The following CEP192 variants were observed in gnomAD, a reference collection of about 807,000 sequenced individuals.
The protein encoded by CEP192 is centrosomal protein 192.
In CEP192, 151 loss-of-function variants were observed where a neutral mutation model predicts 271.8. The ratio of observed to expected loss-of-function variants is 0.56; its 90% CI spans 0.49 to 0.64. CEP192 has a LOEUF of 0.64. Among genes scored for constraint, CEP192 ranks in the 30% least tolerant of loss-of-function variants. The pLI, the probability that CEP192 is intolerant of heterozygous loss-of-function variation, is 0.00. For missense variants in CEP192, 2,910 were observed against 3,020.5 expected, an observed-to-expected ratio of 0.96 and a Z score of 0.86; for synonymous variants, 995 against 1,076.5, an observed-to-expected ratio of 0.92 and a Z score of 1.48.
In CEP192 at chr18:13,124,865, G is replaced by A. The variant is rs1040225218; in HGVS notation, c.*95G>A. Reference sequence around the variant, plus strand: ...AATTATGCTTTTGTATATATATTTTGTATGATGGATATCTATAATTGTAGA... The same window carrying A: ...AATTATGCTTTTGTATATATATTTTATATGATGGATATCTATAATTGTAGA... On this transcript the variant is annotated 3_prime_UTR_variant, in exon 45 of 45. Transcript: ENST00000506447. The A allele has an allele frequency of 1.0e-5, 10 of 981,812 alleles. No individual in the cohort carries two copies. The highest frequency in any genetic ancestry group is 7.9e-5 in the Admixed American group (3 of 37,802). 60.8% of individuals were successfully genotyped at this position (981,812 alleles called of 1,614,324 possible). A position where few individuals can be genotyped will look rare whatever the true frequency, so the allele number is the denominator to read the frequency against.
chr18:13,100,281 A>C, intron 37 of CEP192, 24 bp from the exon 38 acceptor site: 1 of 1,542,694 alleles, frequency 6.5e-7, no homozygotes, highest in Non-Finnish European at 9.0e-7. Flanking sequence ...TTTGTAGCTT[A>C]TCCCTTTATT....
In CEP192 at chr18:13,106,834, A is replaced by T. The variant is rs117141357; in HGVS notation, c.7047+1755A>T. ...CAACCACACCCCACAAATTTTAGGG[A>T]TCATATTGTATGATTGACTACGTTG... On this transcript the variant is annotated intron_variant, in intron 40 of 44. Transcript: ENST00000506447. Among the ~76,000 whole-genome samples the T allele has an allele frequency of 7.9e-5, 12 of 152,350 alleles. No individual in the cohort carries two copies. In the East Asian group the frequency reaches 1.9e-3, roughly 24 times the overall value.
In CEP192 at chr18:13,092,553, C is replaced by T. The variant is rs767694718; in HGVS notation, c.6254+26C>T. 4 of 1,537,290 alleles carry T rather than the reference C, an allele frequency of 2.6e-6. No individual in the cohort carries two copies. The Admixed American group carries it at 5.9e-5, about 23-fold the overall frequency. ...GTAAAATAAATGAACAGAAATCTTT[C>T]ACCAGATTTCAGGATGATTCGATTC... On this transcript the variant is annotated intron_variant, in intron 34 of 44. Transcript: ENST00000506447.
chr18:13,091,591 A>AT (rs1464607398), intron 33 of CEP192, among the ~76,000 whole-genome samples: 2 of 152,198 alleles, frequency 1.3e-5, no homozygotes, highest in Non-Finnish European at 2.9e-5. Flanking sequence ...TGTGGCATGT[A>AT]TTTTTGTAGT....
At chr18:13,085,163 T>C (rs1222573332) in intron 30 of CEP192, among the ~76,000 whole-genome samples, 1 of 152,210 alleles carries the variant, frequency 6.6e-6, no homozygotes, top group African/African-American at 2.4e-5. Context: ...GATGAGCTTT[T>C]TTTCACGTTT....
intron 1 of CEP192, among the ~76,000 whole-genome samples, chr18:12,994,388 A>G (rs2145732926): frequency 6.6e-6 from 1 of 152,174 alleles, no homozygotes; most frequent in East Asian, 1.9e-4. Context: ...CTTTGGGGGT[A>G]TTACAAGAAT....
chr18:13,078,056 G>C (rs1375529493), intron 30 of CEP192, among the ~76,000 whole-genome samples: 2 of 152,116 alleles, frequency 1.3e-5, no homozygotes, highest in Admixed American at 1.3e-4. Flanking sequence ...ATCTACATTA[G>C]GTATTTCTCC....
At chr18:13,031,719 G>T (rs1300414765) in intron 11 of CEP192, among the ~76,000 whole-genome samples, 1 of 152,144 alleles carries the variant, frequency 6.6e-6, no homozygotes, top group African/African-American at 2.4e-5. Context: ...CAAGAATGCA[G>T]TACACAGTCA....
chr18:13,120,083 A>G (rs1037969015), intron 44 of CEP192, among the ~76,000 whole-genome samples: 1 of 152,198 alleles, frequency 6.6e-6, no homozygotes, highest in Non-Finnish European at 1.5e-5. Flanking sequence ...TTTTTTTTAA[A>G]GAATTGCATT....
At chr18:13,052,666 A>G (rs1299957691) in intron 17 of CEP192, among the ~76,000 whole-genome samples, 10 of 152,172 alleles carry the variant, frequency 6.6e-5, no homozygotes, top group Non-Finnish European at 1.5e-4. Context: ...ATGAATAGCT[A>G]ATTGCTAATA....
intron 25 of CEP192, 32 bp from the exon 26 acceptor site, chr18:13,069,057 C>A (rs112715845): frequency 6.2e-7 from 1 of 1,613,900 alleles, no homozygotes; most frequent in Non-Finnish European, 8.5e-7. Context: ...TGTGACAGTT[C>A]GTTGAAATGT....
chr18:13,024,203 T>C (rs1399385342), intron 9 of CEP192: 4 of 398,950 alleles, frequency 1.0e-5, no homozygotes, highest in Non-Finnish European at 2.0e-5. Flanking sequence ...GATGGTTATG[T>C]CTTCCTAGAG....
intron 28 of CEP192, 108 bp downstream of exon 28, chr18:13,071,320 C>T: frequency 1.1e-6 from 1 of 918,504 alleles, no homozygotes. Flanking sequence ...TCTTCAGGCT[C>T]AATTGTGCAG....
chr18:13,016,946 T>A (rs1273365285), intron 6 of CEP192, among the ~76,000 whole-genome samples: 1 of 152,244 alleles, frequency 6.6e-6, no homozygotes, highest in Non-Finnish European at 1.5e-5. Flanking sequence ...TGACTTTTGA[T>A]AACATGCCAG....
At position 13,068,832 on chromosome 18, in the gene CEP192, A is replaced by C. The variant is rs769557951; in HGVS notation, c.4823-20A>C. ...AATAACTCTCTGGTCTCCAAGCTAA[A>C]AGAATGAACTTTTTTTTAGATATTC... On this transcript the variant is annotated intron_variant, in intron 24 of 44. Coordinates refer to ENST00000506447, the MANE Select transcript of CEP192 (RefSeq NM_032142.4). The C allele has an allele frequency of 6.2e-7, 1 of 1,614,138 alleles. No individual in the cohort carries two copies. The highest frequency in any genetic ancestry group is 1.1e-5 in the South Asian group (1 of 91,088).
At chr18:13,044,949 G>A (rs913786888) in intron 15 of CEP192, among the ~76,000 whole-genome samples, 1 of 152,066 alleles carries the variant, frequency 6.6e-6, no homozygotes, top group South Asian at 2.1e-4. Flanking sequence ...AATAGTTGTA[G>A]TACTATTCTG....
In CEP192 at chr18:13,037,286, G is replaced by A. The variant is rs933222142; in HGVS notation, c.1584G>A (p.Glu528=). ...IAQDEEEFNK[E]HQFIQEENID... is the part of the protein sequence containing the mutation. ...AAGATGAAGAAGAATTTAATAAAGA[G>A]CATCAATTTATACAGGTTTGTAATT... Residue 528 remains glutamate (E), a synonymous_variant, in exon 12 of 45, where the codon GAG becomes GAA. Coordinates refer to ENST00000506447, the MANE Select transcript of CEP192 (RefSeq NM_032142.4). 1.3e-5 allele frequency: 18 copies of A among 1,361,664 alleles called. No homozygotes were observed. The highest frequency in any genetic ancestry group is 1.7e-5 in the Non-Finnish European group (17 of 978,202). The allele number at this position is 1,361,664 out of a possible 1,614,324, so 84.3% of individuals were successfully genotyped here.
Position 13,001,933 on chromosome 18 carries a change from C to T in CEP192, c.290+351C>T, listed in dbSNP as rs559562534. 4.6e-5 allele frequency among the ~76,000 whole-genome samples: 7 copies of T among 152,306 alleles called. No homozygotes were observed. The East Asian group carries it at 1.4e-3, about 29-fold the overall frequency. On this transcript the variant is annotated intron_variant, in intron 3 of 44. Transcript: ENST00000506447. Reference sequence around the variant, plus strand: ...CATTGGCCAGGCTGGTCTCAAACTCCTGACCTCAAGTGAACCGCCCCACCC... The same window carrying T: ...CATTGGCCAGGCTGGTCTCAAACTCTTGACCTCAAGTGAACCGCCCCACCC...
At chr18:13,014,306 A>C (rs907811059) in intron 5 of CEP192, among the ~76,000 whole-genome samples, 4 of 152,232 alleles carry the variant, frequency 2.6e-5, no homozygotes, top group Admixed American at 1.3e-4. Flanking sequence ...ATGCTTGATT[A>C]AAAAGAGGAA....
Sources: gnomAD v4.1 joint callset for allele counts (sites outside exome capture counted in the v4.1 genomes callset) on GRCh38, gnomAD v4.1.1 for gene constraint, MANE v1.5 for transcripts, NCBI Gene and HGNC (gene_info 2026-07-23, HGNC 2026-07-21) for gene names.